The following NWD1 variants were observed in gnomAD, a reference collection of about 807,000 sequenced individuals.
NWD1 encodes the protein NACHT domain- and WD repeat-containing protein 1.
In NWD1, 129 loss-of-function variants were observed where a neutral mutation model predicts 135.1. That is an observed-to-expected ratio of 0.96 (90% CI 0.83 to 1.11). The LOEUF (loss-of-function observed/expected upper bound fraction) is 1.11. Among genes scored for constraint, NWD1 ranks in the 50% least tolerant of loss-of-function variants. NWD1 has a pLI of 0.00. For synonymous variants in NWD1, 773 were observed against 786.0 expected, an observed-to-expected ratio of 0.98 and a Z score of 0.28; for missense variants, 1,740 against 1,851.3, an observed-to-expected ratio of 0.94 and a Z score of 1.10.
rs1165540758 is a variant in NWD1, at chr19:16,762,174, C to A, written c.2133+36C>A. The stretch of plus-strand genomic sequence containing the variant: ...TGGGACCCCCATTCCCCACCTGCAA[C>A]CTCCACCCTGCCTGGCATTGCTCAC... On this transcript the variant is annotated intron_variant, in intron 8 of 18. Coordinates refer to ENST00000524140, the MANE Select transcript of NWD1 (RefSeq NM_001007525.5). 3 of 1,595,292 alleles carry A rather than the reference C, an allele frequency of 1.9e-6. No homozygotes were observed. The African/African-American group carries it at 4.0e-5, about 21-fold the overall frequency.
chr19:16,743,411 G>A (rs1421826329), intron 4 of NWD1, among the ~76,000 whole-genome samples: 3 of 151,706 alleles, frequency 2.0e-5, no homozygotes, highest in African/African-American at 4.8e-5. Context: ...GTCTCACTAT[G>A]TTGCCCAGCT....
chr19:16,794,357 C>T (rs1404547618), intron 14 of NWD1, 106 bp from the exon 15 acceptor site: 11 of 632,996 alleles, frequency 1.7e-5, no homozygotes, highest in Non-Finnish European at 2.5e-5. Flanking sequence ...CAGAGTGAGA[C>T]TCCATCTCAA....
At position 16,749,204 on chromosome 19, in the gene NWD1, T is replaced by C. The variant is rs1471945465; in HGVS notation, c.562T>C (p.Phe188Leu). 1.9e-6 allele frequency: 3 copies of C among 1,613,530 alleles called. No individual in the cohort carries two copies. Among genetic ancestry groups the C allele is most frequent in the African/African-American group, 2.7e-5 (2 of 74,894 alleles). ...GGACCGGGAACAGGGAGCCACCGTC[T>C]TCCTTAGAGAGATCCAAGACCTCCA... ...SEDREQGATV[F>L]LREIQDLHKH... is the part of the protein sequence containing the mutation. The change falls in exon 6 of 19, where the codon TTC (phenylalanine) becomes CTC (leucine). Residue 188 changes from phenylalanine (F) to leucine (L), a missense_variant. Physicochemically the swap from Phe to Leu is conservative, Grantham distance 22 (BLOSUM62 0). Transcript: ENST00000524140.
intron 4 of NWD1, 62 bp from the exon 5 acceptor site, chr19:16,744,359 A>C: frequency 6.9e-7 from 1 of 1,449,920 alleles, no homozygotes; most frequent in Non-Finnish European, 9.3e-7. Flanking sequence ...CCTGGGCGAC[A>C]GAGCAAGACC....
At chr19:16,762,294 C>A (rs1015928867) in intron 8 of NWD1, among the ~76,000 whole-genome samples, 156 bp downstream of exon 8, 1 of 116,930 alleles carries the variant, frequency 8.6e-6, no homozygotes, top group African/African-American at 3.6e-5. Flanking sequence ...GTCCCCCCCA[C>A]TCCTTTTTTT....
In NWD1 at chr19:16,749,857, G is replaced by A. The variant is rs975285664; in HGVS notation, c.1215G>A (p.Gln405=). 4 of 1,613,146 alleles carry A rather than the reference G, an allele frequency of 2.5e-6. No homozygotes were observed. Among genetic ancestry groups the A allele is most frequent in the Non-Finnish European group, 3.4e-6 (4 of 1,179,806 alleles). Residue 405 remains glutamine, a synonymous_variant, in exon 6 of 19, where the codon CAG becomes CAA. Transcript: ENST00000524140. The stretch of plus-strand genomic sequence containing the variant: ...ATGGGCTGCCCTTGCCCCCTGCCCA[G>A]GTTCTGGACGCCCACACCAGGGTGG... ...LAYGLPLPPA[Q]VLDAHTRVVQ...
Position 16,763,935 on chromosome 19 carries a change from G to A in NWD1, c.2241G>A (p.Gln747=), listed in dbSNP as rs550023419. The A allele has an allele frequency of 1.2e-6, 2 of 1,605,092 alleles. No homozygotes were observed. The highest frequency in any genetic ancestry group is 1.7e-6 in the Non-Finnish European group (2 of 1,171,832). Residue 747 remains glutamine, a synonymous_variant, in exon 9 of 19, where the codon CAG becomes CAA. Transcript: ENST00000524140. Reference sequence around the variant, plus strand: ...CGGGCCGCCTGGAGGAGCTGAAACAGGAGGTTCTGGGTAAGGGCTGCCCCC... The same window carrying A: ...CGGGCCGCCTGGAGGAGCTGAAACAAGAGGTTCTGGGTAAGGGCTGCCCCC... ...LHSGRLEELK[Q]EVLGSMSWIS...
intron 6 of NWD1, among the ~76,000 whole-genome samples, chr19:16,751,806 G>A (rs1326455985): frequency 8.8e-6 from 1 of 113,752 alleles, no homozygotes; most frequent in Non-Finnish European, 1.8e-5. Context: ...ATCTCAAAAA[G>A]AAAGAGAAAG....
rs563723068 is a variant in NWD1, at chr19:16,805,876, C to CT, written c.3737-1700dup. On this transcript the variant is annotated intron_variant, in intron 17 of 18. Coordinates refer to ENST00000524140, the MANE Select transcript of NWD1 (RefSeq NM_001007525.5). ...CTTTTTTCTTTTTCTTTCTTTTCTT[C>CT]TTTTTTTTTTGAGAGGGAGTTTCCA... Among the ~76,000 whole-genome samples the CT allele has an allele frequency of 6.2e-3, 923 of 147,992 alleles. 4 individuals carry two copies. The highest frequency in any genetic ancestry group is 0.01 in the Non-Finnish European group (675 of 66,620).
chr19:16,728,721 A>G (rs1053097531), intron 2 of NWD1, among the ~76,000 whole-genome samples: 7 of 151,468 alleles, frequency 4.6e-5, no homozygotes, highest in East Asian at 3.9e-4. Flanking sequence ...GAGGCGGGCG[A>G]ATCACGAGGT....
chr19:16,735,824 AGG>A (rs1491338407), intron 3 of NWD1, among the ~76,000 whole-genome samples: 39 of 58,332 alleles, frequency 6.7e-4, no homozygotes, highest in Admixed American at 9.2e-4. Flanking sequence ...GAAGGAAGGA[AGG>A]AAAGAAGGAA....
chr19:16,796,591 G>T (rs1002880145), intron 15 of NWD1, among the ~76,000 whole-genome samples: 1 of 152,124 alleles, frequency 6.6e-6, no homozygotes, highest in East Asian at 1.9e-4. Context: ...CTAGGCATTT[G>T]CCTGCCTCCT....
intron 14 of NWD1, among the ~76,000 whole-genome samples, chr19:16,792,734 G>A (rs534897099): frequency 5.3e-4 from 80 of 151,504 alleles, no homozygotes; most frequent in East Asian, 1.8e-3. Context: ...AAAATTAGCC[G>A]GGTGTGGTGG....
intron 14 of NWD1, among the ~76,000 whole-genome samples, chr19:16,793,557 G>GT (rs970370872): frequency 3.0e-5 from 4 of 134,048 alleles, no homozygotes; most frequent in African/African-American, 5.6e-5. Context: ...TTTTTTAACT[G>GT]TTTTTTTGTT....
intron 6 of NWD1, among the ~76,000 whole-genome samples, chr19:16,754,026 T>TATCCATCCATCC (rs57643593): frequency 2.8e-5 from 4 of 144,816 alleles, no homozygotes; most frequent in African/African-American, 1.0e-4. Context: ...ATCTTCCATC[T>TATCCATCCATCC]ATCCATCCAT....
rs768983348 is a variant in NWD1 at position 16,773,132 on chromosome 19, G to A, written c.2417G>A (p.Ser806Asn). The A allele has an allele frequency of 6.2e-7, 1 of 1,613,852 alleles. No homozygotes were observed. The highest frequency in any genetic ancestry group is 8.5e-7 in the Non-Finnish European group (1 of 1,179,962). Reference sequence around the variant, plus strand: ...CTACATCCCTTTGTTGCAGAGAGGAGCCTCCTGTACACAGAACTGCTGGCC... The same window carrying A: ...CTACATCCCTTTGTTGCAGAGAGGAACCTCCTGTACACAGAACTGCTGGCC... Reference protein sequence around the residue: ...PAVELRGMERSLLYTELLARL... With the variant: ...PAVELRGMERNLLYTELLARL... Residue 806 changes from serine (S) to asparagine (N), a missense_variant, in exon 11 of 19, where the codon AGC becomes AAC. Physicochemically the swap from Ser to Asn is conservative, Grantham distance 46 (BLOSUM62 1). Transcript: ENST00000524140.
intron 9 of NWD1, among the ~76,000 whole-genome samples, chr19:16,764,727 C>A (rs777401293): frequency 6.6e-6 from 1 of 152,140 alleles, no homozygotes; most frequent in Non-Finnish European, 1.5e-5. Flanking sequence ...ATTCACCAAT[C>A]CCCGTGATTC....
chr19:16,722,620 C>T (rs1418029449), intron 1 of NWD1, among the ~76,000 whole-genome samples: 3 of 151,932 alleles, frequency 2.0e-5, no homozygotes, highest in Admixed American at 6.6e-5. Flanking sequence ...ATTAACTCAG[C>T]AGGCCTGAGT....
chr19:16,763,880 T>G lies in NWD1; in HGVS notation c.2186T>G (p.Leu729Arg), dbSNP rs778744141. The change falls in exon 9 of 19, where the codon CTG (leucine) becomes CGG (arginine). Residue 729 changes from leucine to arginine, a missense_variant. By Grantham distance (102) the Leu-to-Arg change is moderately radical. Coordinates refer to ENST00000524140, the MANE Select transcript of NWD1 (RefSeq NM_001007525.5). ...FSHTVANLRKLKELPYHLLHS... is the reference protein window; with the variant it reads ...FSHTVANLRKRKELPYHLLHS... Reference sequence around the variant, plus strand: ...CATACGGTTGCAAACCTGCGGAAGCTGAAGGAGTTGCCCTATCACCTGCTT... The same window carrying G: ...CATACGGTTGCAAACCTGCGGAAGCGGAAGGAGTTGCCCTATCACCTGCTT... 1.6e-5 allele frequency: 26 copies of G among 1,613,986 alleles called. No homozygotes were observed. In the South Asian group the frequency reaches 2.5e-4, roughly 16 times the overall value.
Sources: allele counts gnomAD v4.1 joint callset (sites outside exome capture counted in the v4.1 genomes callset), GRCh38; gene constraint gnomAD v4.1.1; transcripts MANE v1.5; gene names NCBI Gene and HGNC (gene_info 2026-07-23, HGNC 2026-07-21).